Variants in ATP2B2 observed in about 807,000 individuals in gnomAD.
ATP2B2 encodes plasma membrane calcium-transporting ATPase 2.
Under a neutral mutation model 120.0 loss-of-function variants are expected in ATP2B2, and 15 were observed. That is an observed-to-expected ratio of 0.12 (90% confidence interval 0.08 to 0.19). The LOEUF (loss-of-function observed/expected upper bound fraction) is 0.19. ATP2B2 is among the 10% of genes least tolerant of loss of function. ATP2B2 has a pLI of 1.00. For synonymous variants in ATP2B2, 694 were observed against 700.3 expected, an observed-to-expected ratio of 0.99 and a Z score of 0.14; for missense variants, 1,045 against 1,719.8, an observed-to-expected ratio of 0.61 and a Z score of 6.94.
At chr3:10,441,972 G>T (rs1200054965) in intron 2 of ATP2B2, among the ~76,000 whole-genome samples, 2 of 152,228 alleles carry the variant, frequency 1.3e-5, no homozygotes, top group East Asian at 3.9e-4. Flanking sequence ...GCACATAGTA[G>T]GCACTTAGTG....
intron 3 of ATP2B2, among the ~76,000 whole-genome samples, chr3:10,407,241 G>A (rs1194207626): frequency 2.0e-5 from 3 of 152,176 alleles, no homozygotes; most frequent in African/African-American, 7.2e-5. Context: ...GGCTGAGGAT[G>A]TCCATTCCAA....
intron 2 of ATP2B2, among the ~76,000 whole-genome samples, chr3:10,538,650 GA>G (rs1388831507): frequency 6.6e-6 from 1 of 152,176 alleles, no homozygotes; most frequent in Non-Finnish European, 1.5e-5. Flanking sequence ...AATAGATGCA[GA>G]AAAGGCCTTC....
chr3:10,606,895 A>ACACACACACG (rs1217789273), intron 2 of ATP2B2, among the ~76,000 whole-genome samples: 4,514 of 34,914 alleles, frequency 0.13, 95 homozygotes, highest in South Asian at 0.31. Context: ...ACACACACAC[A>ACACACACACG]CACACACACA....
At chr3:10,563,840 C>T (rs1357311905) in intron 2 of ATP2B2, among the ~76,000 whole-genome samples, 1 of 152,230 alleles carries the variant, frequency 6.6e-6, no homozygotes, top group Admixed American at 6.5e-5. Context: ...CCCAGAGAGG[C>T]TAAGCAACTT....
At chr3:10,499,585 C>T (rs935937431) in intron 1 of ATP2B2, among the ~76,000 whole-genome samples, 4 of 152,186 alleles carry the variant, frequency 2.6e-5, no homozygotes, top group South Asian at 2.1e-4. Context: ...CCCTATTCTC[C>T]GGAAGAGCAC....
At chr3:10,503,234 G>A (rs1177819665) in intron 1 of ATP2B2, among the ~76,000 whole-genome samples, 1 of 152,162 alleles carries the variant, frequency 6.6e-6, no homozygotes, top group African/African-American at 2.4e-5. Context: ...GGTGTTCCAG[G>A]CCCCAGCTCT....
At chr3:10,549,240 C>T (rs535564428) in intron 2 of ATP2B2, among the ~76,000 whole-genome samples, 30 of 152,328 alleles carry the variant, frequency 2.0e-4, no homozygotes, top group African/African-American at 7.0e-4. Flanking sequence ...TGCCCCTCCT[C>T]AGTGGCCCCC....
intron 1 of ATP2B2, among the ~76,000 whole-genome samples, chr3:10,622,220 G>A (rs553171551): frequency 6.6e-6 from 1 of 152,280 alleles, no homozygotes; most frequent in East Asian, 1.9e-4. Flanking sequence ...GGCCAGGCCT[G>A]TCTTTATCAG....
chr3:10,416,191 C>A (rs573215837), intron 2 of ATP2B2, among the ~76,000 whole-genome samples: 1 of 152,186 alleles, frequency 6.6e-6, no homozygotes, highest in Non-Finnish European at 1.5e-5. Context: ...AAGACAGCCA[C>A]GGCGCAAAGT....
In ATP2B2 at chr3:10,359,998, C is replaced by A; in HGVS notation, c.1785G>T (p.Lys595Asn). The A allele has an allele frequency of 1.9e-6, 3 of 1,614,228 alleles. No homozygotes were observed. The highest frequency in any genetic ancestry group is 2.5e-6 in the Non-Finnish European group (3 of 1,180,032). Residue 595 changes from lysine (K) to asparagine (N), a missense_variant, in exon 13 of 23, where the codon AAG becomes AAT. Lys to Asn is a moderately conservative substitution (Grantham distance 94). Around this residue, in one of 11 missense-constraint regions of ATP2B2, gnomAD observed 343 missense variants for 536.8 expected, o/e 0.64. Transcript: ENST00000360273. ...AGTTGAAGGTGTACACTTTGTACAA[C>A]TTCTCCTCTGGCATCTGGCTGCGCA... ...EPVRSQMPEE[K>N]LYKVYTFNSV...
At chr3:10,418,243 A>G (rs1335641333) in intron 2 of ATP2B2, among the ~76,000 whole-genome samples, 1 of 152,182 alleles carries the variant, frequency 6.6e-6, no homozygotes, top group Non-Finnish European at 1.5e-5. Flanking sequence ...AACTTAGGGC[A>G]TTTAAAGTCA....
intron 1 of ATP2B2, among the ~76,000 whole-genome samples, chr3:10,504,575 C>A (rs888420791): frequency 6.6e-6 from 1 of 152,244 alleles, no homozygotes; most frequent in African/African-American, 2.4e-5. Flanking sequence ...CCCCCAACCC[C>A]CAACCCCCAA....
At chr3:10,616,123 C>T (rs1391317191) in intron 2 of ATP2B2, among the ~76,000 whole-genome samples, 1 of 152,148 alleles carries the variant, frequency 6.6e-6, no homozygotes, top group East Asian at 1.9e-4. Flanking sequence ...TCTCAGTTGC[C>T]AGGAACAAGC....
Position 10,420,554 on chromosome 3 carries a change from G to A in ATP2B2, c.200-9739C>T, listed in dbSNP as rs145700516. Among the ~76,000 whole-genome samples the A allele has an allele frequency of 1.3e-3, 191 of 152,228 alleles. 4 individuals carry two copies. The East Asian group carries it at 0.031, about 25-fold the overall frequency. ...TTTTTGTATTTTTAGTTGAGATGGGGTTTCACCATGTTGGCCATGCTGGTC... is the reference window on the plus strand; with the variant it reads ...TTTTTGTATTTTTAGTTGAGATGGGATTTCACCATGTTGGCCATGCTGGTC... On this transcript the variant is annotated intron_variant, in intron 2 of 22. Coordinates refer to ENST00000360273, the MANE Select transcript of ATP2B2 (RefSeq NM_001001331.4).
intron 2 of ATP2B2, among the ~76,000 whole-genome samples, chr3:10,562,171 T>A (rs2067916708): frequency 6.6e-6 from 1 of 151,886 alleles, no homozygotes; most frequent in Admixed American, 6.6e-5. Context: ...GTGCCATGGG[T>A]GGGGAGAAAA....
At chr3:10,497,660 C>T (rs2066208701) in intron 1 of ATP2B2, among the ~76,000 whole-genome samples, 1 of 152,198 alleles carries the variant, frequency 6.6e-6, no homozygotes, top group Non-Finnish European at 1.5e-5. Flanking sequence ...TGCTGGGTCA[C>T]ACAGCATGGA....
chr3:10,461,944 T>C (rs2064509881), intron 1 of ATP2B2, among the ~76,000 whole-genome samples: 1 of 152,172 alleles, frequency 6.6e-6, no homozygotes, highest in Non-Finnish European at 1.5e-5. Context: ...TGCCCACGGC[T>C]GATGGCACCT....
At chr3:10,654,791 A>G (rs12495266) in intron 1 of ATP2B2, among the ~76,000 whole-genome samples, 1 of 151,902 alleles carries the variant, frequency 6.6e-6, no homozygotes, top group Non-Finnish European at 1.5e-5. Context: ...AAAAAAAAAA[A>G]AAACGCAGAC....
intron 1 of ATP2B2, among the ~76,000 whole-genome samples, chr3:10,455,492 C>T (rs1477961545): frequency 6.6e-6 from 1 of 152,250 alleles, no homozygotes; most frequent in African/African-American, 2.4e-5. Context: ...GTTTGTCTTA[C>T]AGGCTGCTGC....
Sources: allele counts gnomAD v4.1 joint callset (sites outside exome capture counted in the v4.1 genomes callset), GRCh38; gene constraint gnomAD v4.1.1; regional missense constraint gnomAD v4.1.1; transcripts MANE v1.5; gene names NCBI Gene and HGNC (gene_info 2026-07-23, HGNC 2026-07-21).